The following ERBB4 variants were observed in gnomAD, a reference collection of about 807,000 sequenced individuals.
The protein encoded by ERBB4 is erb-b2 receptor tyrosine kinase 4, also known as receptor tyrosine-protein kinase erbB-4.
ERBB4 carries 42 observed loss-of-function variants against 158.0 expected under a neutral mutation model. The observed-to-expected ratio is 0.27, with a 90% confidence interval of 0.21 to 0.34. The LOEUF is 0.34. Among genes scored for constraint, ERBB4 ranks in the 10% least tolerant of loss-of-function variants. ERBB4 has a pLI of 1.00. For synonymous variants in ERBB4, 583 were observed against 558.7 expected, an observed-to-expected ratio of 1.04 and a Z score of -0.61; for missense variants, 1,333 against 1,624.1, an observed-to-expected ratio of 0.82 and a Z score of 3.08.
intron 16 of ERBB4, among the ~76,000 whole-genome samples, chr2:211,635,094 T>A (rs2070308515): frequency 6.6e-6 from 1 of 152,034 alleles, no homozygotes; most frequent in Admixed American, 6.5e-5. Context: ...TTAACAGGAG[T>A]ATTGCAATTT....
At chr2:211,601,984 T>C (rs1574839565) in intron 19 of ERBB4, among the ~76,000 whole-genome samples, 1 of 152,192 alleles carries the variant, frequency 6.6e-6, no homozygotes, top group East Asian at 1.9e-4. Flanking sequence ...AAGTGAGTTC[T>C]TTTAAACATA....
intron 2 of ERBB4, among the ~76,000 whole-genome samples, chr2:212,114,273 C>G (rs2079508456): frequency 6.6e-6 from 1 of 152,048 alleles, no homozygotes; most frequent in African/African-American, 2.4e-5. Flanking sequence ...TGATGGAGAC[C>G]TAAAAAACCA....
At chr2:211,906,798 A>G (rs2125045754) in intron 3 of ERBB4, among the ~76,000 whole-genome samples, 1 of 151,694 alleles carries the variant, frequency 6.6e-6, no homozygotes, top group East Asian at 2.0e-4. Context: ...AAGTGAGAAC[A>G]TGGGGTATTT....
intron 3 of ERBB4, among the ~76,000 whole-genome samples, chr2:211,880,478 A>T (rs77206021): frequency 6.6e-6 from 1 of 152,160 alleles, no homozygotes; most frequent in Non-Finnish European, 1.5e-5. Context: ...TTCACACCAA[A>T]TTGTTTACTT....
At chr2:212,319,205 G>A (rs1023523574) in intron 1 of ERBB4, among the ~76,000 whole-genome samples, 3 of 151,516 alleles carry the variant, frequency 2.0e-5, no homozygotes, top group Non-Finnish European at 4.4e-5. Flanking sequence ...CTTTTATGTA[G>A]ACAAACAAAA....
intron 1 of ERBB4, among the ~76,000 whole-genome samples, chr2:212,396,189 C>T (rs947722977): frequency 6.6e-6 from 1 of 152,202 alleles, no homozygotes; most frequent in South Asian, 2.1e-4. Flanking sequence ...CTTTAAAATG[C>T]TTTAATGAAC....
At chr2:212,373,651 AT>A (rs1021438168) in intron 1 of ERBB4, among the ~76,000 whole-genome samples, 1 of 150,022 alleles carries the variant, frequency 6.7e-6, no homozygotes, top group African/African-American at 2.4e-5. Flanking sequence ...GTTCTATTTT[AT>A]ATGATATGGT....
intron 1 of ERBB4, among the ~76,000 whole-genome samples, chr2:212,222,715 T>A (rs2083334877): frequency 6.6e-6 from 1 of 151,478 alleles, no homozygotes; most frequent in Admixed American, 6.6e-5. Flanking sequence ...ATTTGAATTT[T>A]CCTCTTTAAT....
chr2:212,267,611 T>TTTTTTTTTTA (rs1342413450), intron 1 of ERBB4, among the ~76,000 whole-genome samples: 7 of 150,792 alleles, frequency 4.6e-5, no homozygotes, highest in Non-Finnish European at 1.0e-4. Context: ...TTTTTTTTTT[T>TTTTTTTTTTA]ATTATACTTT....
At chr2:212,303,613 C>T (rs1022590469) in intron 1 of ERBB4, among the ~76,000 whole-genome samples, 2 of 151,518 alleles carry the variant, frequency 1.3e-5, no homozygotes, top group Admixed American at 1.3e-4. Flanking sequence ...TAATAGATTA[C>T]TTATTCAAGC....
intron 2 of ERBB4, among the ~76,000 whole-genome samples, chr2:211,949,180 T>G (rs1231008026): frequency 6.6e-6 from 1 of 152,198 alleles, no homozygotes; most frequent in Non-Finnish European, 1.5e-5. Context: ...TCTAGGTTAT[T>G]GCAATAGGTC....
chr2:211,625,321 T>C (rs1307912335), intron 17 of ERBB4, among the ~76,000 whole-genome samples: 2 of 152,150 alleles, frequency 1.3e-5, no homozygotes, highest in Admixed American at 1.3e-4. Flanking sequence ...AAAATCTCTA[T>C]CTCCAAAGCT....
chr2:212,066,188 T>A (rs1259641158), intron 2 of ERBB4, among the ~76,000 whole-genome samples: 1 of 151,928 alleles, frequency 6.6e-6, no homozygotes, highest in Non-Finnish European at 1.5e-5. Context: ...TTTAAAGTCC[T>A]CTGGCTGGCT....
At chr2:212,423,754 T>C (rs113916366) in intron 1 of ERBB4, among the ~76,000 whole-genome samples, 1,997 of 152,316 alleles carry the variant, frequency 0.013, 16 homozygotes, top group Middle Eastern at 0.037. Flanking sequence ...TGTGTTTGTA[T>C]ATTCAAATTT....
At chr2:212,282,663 A>G (rs1262258875) in intron 1 of ERBB4, among the ~76,000 whole-genome samples, 1 of 151,868 alleles carries the variant, frequency 6.6e-6, no homozygotes, top group Non-Finnish European at 1.5e-5. Flanking sequence ...CTCCATAATC[A>G]TTAGAGTCAC....
chr2:212,180,137 A>T (rs1915744), intron 1 of ERBB4, among the ~76,000 whole-genome samples: 26,512 of 151,580 alleles, frequency 0.17, 2,648 homozygotes, highest in Non-Finnish European at 0.22. Context: ...AAACTTTTCC[A>T]TTAGGTACCA....
At chr2:211,806,975 A>C (rs1332222423) in intron 3 of ERBB4, among the ~76,000 whole-genome samples, 1 of 152,142 alleles carries the variant, frequency 6.6e-6, no homozygotes, top group Non-Finnish European at 1.5e-5. Flanking sequence ...AAAAGACAGT[A>C]TCTTTTACAC....
At chr2:211,798,359 C>T (rs1417338744) in intron 3 of ERBB4, among the ~76,000 whole-genome samples, 3 of 151,902 alleles carry the variant, frequency 2.0e-5, no homozygotes, top group Admixed American at 6.6e-5. Flanking sequence ...TTTATTGTTC[C>T]GTATTATTCC....
At chr2:212,304,400 C>T (rs769241048) in intron 1 of ERBB4, among the ~76,000 whole-genome samples, 10 of 151,492 alleles carry the variant, frequency 6.6e-5, no homozygotes, top group Non-Finnish European at 1.5e-4. Flanking sequence ...ACACTAAAGT[C>T]AACATGCATG....
Sources: gnomAD v4.1 joint callset for allele counts (sites outside exome capture counted in the v4.1 genomes callset) on GRCh38, gnomAD v4.1.1 for gene constraint, MANE v1.5 for transcripts, NCBI Gene and HGNC (gene_info 2026-07-23, HGNC 2026-07-21) for gene names.